MROH9: variants seen among roughly 807,000 people sequenced by gnomAD.
MROH9 encodes the protein maestro heat like repeat family member 9.
Under a neutral mutation model 98.2 loss-of-function variants are expected in MROH9, and 92 were observed. That is an observed-to-expected ratio of 0.94 (90% CI 0.79 to 1.11). The LOEUF (loss-of-function observed/expected upper bound fraction) is 1.11. Ranked by LOEUF, MROH9 falls within the 50% of genes most tolerant of loss-of-function variation. The probability of loss-of-function intolerance (pLI) is 0.00; values close to 1 mark genes in which losing one functional copy is unlikely to be tolerated. For missense variants in MROH9, 1,057 were observed against 1,014.8 expected, an observed-to-expected ratio of 1.04 and a Z score of -0.57; for synonymous variants, 397 against 368.9, an observed-to-expected ratio of 1.08 and a Z score of -0.87.
intron 20 of MROH9, among the ~76,000 whole-genome samples, chr1:171,041,516 G>C (rs890599087): frequency 9.3e-5 from 14 of 151,082 alleles, no homozygotes; most frequent in African/African-American, 3.4e-4. Flanking sequence ...ATTGTAAATA[G>C]TGCTGTGACA....
chr1:170,961,346 G>A (rs1650010883), intron 5 of MROH9, among the ~76,000 whole-genome samples: 1 of 152,084 alleles, frequency 6.6e-6, no homozygotes, highest in Non-Finnish European at 1.5e-5. Flanking sequence ...ATTAGAATAG[G>A]AAATAAAACT....
At chr1:170,979,391 AT>A (rs922432607) in intron 8 of MROH9, among the ~76,000 whole-genome samples, 4 of 152,310 alleles carry the variant, frequency 2.6e-5, no homozygotes, top group South Asian at 2.1e-4. Flanking sequence ...TAGTCAGTTG[AT>A]TTTTTATGAA....
At position 170,996,538 on chromosome 1, in the gene MROH9, A is replaced by C. The variant is rs1243372116; in HGVS notation, c.1369A>C (p.Asn457His). The C allele has an allele frequency of 6.2e-7, 1 of 1,613,490 alleles. No individual in the cohort carries two copies. The highest frequency in any genetic ancestry group is 8.5e-7 in the Non-Finnish European group (1 of 1,179,652). Residue 457 changes from asparagine (N) to histidine (H), a missense_variant, in exon 14 of 22, where the codon AAT becomes CAT. Physicochemically the swap from Asn to His is moderately conservative, Grantham distance 68. Coordinates refer to ENST00000367759, the MANE Select transcript of MROH9 (RefSeq NM_001163629.2). ...YAQDALRVLL[N>H]CSGLQQVDIT... ...CCAGGATGCCCTGAGAGTTCTGCTGAATTGTTCTGGACTGCAACAGGTGGA... is the reference window on the plus strand; with the variant it reads ...CCAGGATGCCCTGAGAGTTCTGCTGCATTGTTCTGGACTGCAACAGGTGGA...
intron 20 of MROH9, among the ~76,000 whole-genome samples, chr1:171,059,531 A>C (rs997912031): frequency 6.6e-6 from 1 of 152,188 alleles, no homozygotes; most frequent in Non-Finnish European, 1.5e-5. Flanking sequence ...CAGCAATCCC[A>C]TTACTGGGTA....
intron 1 of MROH9, among the ~76,000 whole-genome samples, chr1:170,943,944 A>G (rs1321457613): frequency 6.6e-6 from 1 of 152,102 alleles, no homozygotes; most frequent in Non-Finnish European, 1.5e-5. Flanking sequence ...TAAAGGAAGT[A>G]GGATTATTGT....
intron 6 of MROH9, among the ~76,000 whole-genome samples, chr1:170,964,915 T>C (rs1557876385): frequency 6.6e-6 from 1 of 152,058 alleles, no homozygotes. Flanking sequence ...ATAGTGGATA[T>C]TAGTAAATAC....
chr1:170,953,589 T>C (rs537108776), intron 3 of MROH9, among the ~76,000 whole-genome samples: 1 of 152,178 alleles, frequency 6.6e-6, no homozygotes, highest in African/African-American at 2.4e-5. Context: ...TCTTGTAGCA[T>C]TGGCCCACAC....
intron 20 of MROH9, among the ~76,000 whole-genome samples, chr1:171,025,723 A>G (rs1468149196): frequency 6.6e-6 from 1 of 152,196 alleles, no homozygotes; most frequent in African/African-American, 2.4e-5. Context: ...TACTACCCAA[A>G]GAATAAGAAT....
chr1:171,026,215 A>G (rs61816865), intron 20 of MROH9, among the ~76,000 whole-genome samples: 14,251 of 151,046 alleles, frequency 0.094, 795 homozygotes, highest in Middle Eastern at 0.17. Context: ...ACGTGCGCGC[A>G]CACACACACA....
chr1:170,999,952 C>T (rs1651732457), intron 15 of MROH9, among the ~76,000 whole-genome samples: 1 of 152,058 alleles, frequency 6.6e-6, no homozygotes, highest in Non-Finnish European at 1.5e-5. Flanking sequence ...AGCATTTTTT[C>T]ATATGTTTGT....
chr1:170,987,223 A>T (rs1298752890), intron 10 of MROH9, among the ~76,000 whole-genome samples: 1 of 152,256 alleles, frequency 6.6e-6, no homozygotes, highest in East Asian at 1.9e-4. Flanking sequence ...ATGAATGCTT[A>T]TCCACCAATC....
chr1:171,052,294 G>A lies in MROH9; in HGVS notation c.2282-9838G>A, dbSNP rs544472541. On this transcript the variant is annotated intron_variant, in intron 20 of 21. Coordinates refer to ENST00000367759, the MANE Select transcript of MROH9 (RefSeq NM_001163629.2). ...TCTCTTATTTGAGTCTCAGAGTTGG[G>A]GACCAAGCTGGGTGAAGCCAGGCCA... Among the ~76,000 whole-genome samples, 61 of 152,250 alleles carry A rather than the reference G, an allele frequency of 4.0e-4. 1 individual carries two copies. Among genetic ancestry groups the A allele is most frequent in the African/African-American group, 1.3e-3 (53 of 41,538 alleles).
chr1:170,975,508 G>A (rs1160798543), intron 8 of MROH9, among the ~76,000 whole-genome samples: 3 of 152,052 alleles, frequency 2.0e-5, no homozygotes, highest in Admixed American at 2.0e-4. Context: ...CCTAAATAGT[G>A]TACATGTTAC....
chr1:170,970,731 T>TGTGTGTGTGTGTGTGTGA (rs1491154307), intron 7 of MROH9, among the ~76,000 whole-genome samples: 18 of 90,790 alleles, frequency 2.0e-4, no homozygotes, highest in African/African-American at 4.3e-4. Flanking sequence ...TGTGTGTGTG[T>TGTGTGTGTGTGTGTGTGA]GAGAGAGAGA....
intron 12 of MROH9, 69 bp from the exon 13 acceptor site, chr1:170,995,320 C>T (rs1651522558): frequency 4.5e-6 from 7 of 1,568,224 alleles, no homozygotes; most frequent in Admixed American, 1.7e-5. Context: ...CTCTTGCTCC[C>T]CTCAGTAAGG....
At chr1:171,058,535 T>A (rs934192164) in intron 20 of MROH9, among the ~76,000 whole-genome samples, 11 of 152,140 alleles carry the variant, frequency 7.2e-5, no homozygotes, top group African/African-American at 1.2e-4. Context: ...AGATCCCATA[T>A]GGCCAAGACA....
intron 13 of MROH9, among the ~76,000 whole-genome samples, chr1:170,995,929 T>C (rs920358484): frequency 5.3e-5 from 8 of 152,184 alleles, no homozygotes; most frequent in Admixed American, 5.2e-4. Context: ...AGATTAAAAA[T>C]GATGTGCTCA....
intron 16 of MROH9, chr1:171,015,121 A>G: frequency 2.1e-6 from 1 of 465,278 alleles, no homozygotes; most frequent in Non-Finnish European, 4.5e-6. Context: ...AATACATCCA[A>G]TAATAAATCG....
intron 8 of MROH9, among the ~76,000 whole-genome samples, chr1:170,976,446 T>G (rs1120868): frequency 0.06 from 9,107 of 152,034 alleles, 381 homozygotes; most frequent in Middle Eastern, 0.14. Flanking sequence ...TGGAATTTAT[T>G]TTTTTTTAAG....
Sources: gnomAD v4.1 joint callset for allele counts (sites outside exome capture counted in the v4.1 genomes callset) on GRCh38, gnomAD v4.1.1 for gene constraint, MANE v1.5 for transcripts, NCBI Gene and HGNC (gene_info 2026-07-23, HGNC 2026-07-21) for gene names.